The following FILIP1L variants were observed in gnomAD, a reference collection of about 807,000 sequenced individuals.
The protein encoded by FILIP1L is filamin A interacting protein 1 like.
Under a neutral mutation model 96.6 loss-of-function variants are expected in FILIP1L, and 55 were observed. The observed-to-expected ratio is 0.57, with a 90% CI of 0.46 to 0.71. FILIP1L has a LOEUF of 0.71. FILIP1L is among the 30% of genes least tolerant of loss of function. FILIP1L has a pLI of 0.00. For synonymous variants in FILIP1L, 467 were observed against 473.9 expected (o/e 0.99, Z 0.19); for missense variants, 1,304 against 1,321.2 (o/e 0.99, Z 0.20).
At chr3:99,861,080 C>G (rs139445382) in intron 4 of FILIP1L, among the ~76,000 whole-genome samples, 2 of 152,230 alleles carry the variant, frequency 1.3e-5, no homozygotes, top group African/African-American at 4.8e-5. Flanking sequence ...TCCCCCACCC[C>G]CTGCTCCCAC....
intron 4 of FILIP1L, chr3:99,874,589 A>G (rs1290945016): frequency 3.3e-5 from 5 of 152,194 alleles, no homozygotes; most frequent in Non-Finnish European, 7.4e-5. Flanking sequence ...TTTTCTTTTA[A>G]AATATGAAAA....
At chr3:100,052,806 A>G (rs1575993498) in intron 1 of FILIP1L, among the ~76,000 whole-genome samples, 2 of 152,318 alleles carry the variant, frequency 1.3e-5, no homozygotes, top group Middle Eastern at 3.4e-3. Context: ...TGGATATGAT[A>G]CAAGATAAAG....
chr3:100,054,429 G>A (rs1453441194), intron 1 of FILIP1L, among the ~76,000 whole-genome samples: 2 of 152,028 alleles, frequency 1.3e-5, no homozygotes, highest in African/African-American at 2.4e-5. Flanking sequence ...AGTGGAGCAC[G>A]TACTCTTGCC....
chr3:99,947,714 G>T (rs1708051953), intron 1 of FILIP1L, among the ~76,000 whole-genome samples: 1 of 152,100 alleles, frequency 6.6e-6, no homozygotes, highest in Non-Finnish European at 1.5e-5. Context: ...ATATAAAATT[G>T]TTTTGAATAC....
chr3:99,932,240 G>A (rs923356969), intron 1 of FILIP1L, among the ~76,000 whole-genome samples: 1 of 151,910 alleles, frequency 6.6e-6, no homozygotes, highest in Non-Finnish European at 1.5e-5. Flanking sequence ...TCATTCCCCT[G>A]TATGTTTCAT....
Position 99,830,441 on chromosome 3 carries a change from G to C in FILIP1L, c.3546C>G (p.Thr1182=), listed in dbSNP as rs1476522648. Residue 1182 remains threonine (T), a synonymous_variant, in exon 6 of 6, where the codon ACC becomes ACG. Coordinates refer to ENST00000477258, the MANE Select transcript of FILIP1L (RefSeq NM_001387850.1). ...ACCTTCTCCCTCCCACGTGGAGGAA[G>C]GTGTTGGAGGTGACAGTTCTCACGA... ...LHIVRTVTSN[T]FLHVGGRR 1 of 452,798 alleles carries C rather than the reference G, an allele frequency of 2.2e-6. No homozygotes were observed. The highest frequency in any genetic ancestry group is 2.0e-5 in the African/African-American group (1 of 50,106). 28.0% of individuals were successfully genotyped at this position (452,798 alleles called of 1,614,324 possible). A position where few individuals can be genotyped will look rare whatever the true frequency, so the allele number is the denominator to read the frequency against.
chr3:99,885,224 A>G (rs1178475174), intron 4 of FILIP1L, among the ~76,000 whole-genome samples: 1 of 152,236 alleles, frequency 6.6e-6, no homozygotes, highest in East Asian at 1.9e-4. Context: ...TTATTGCCCT[A>G]GTAATACCAA....
intron 1 of FILIP1L, among the ~76,000 whole-genome samples, chr3:99,988,511 C>CA (rs757175318): frequency 0.2 from 9,372 of 47,600 alleles, 929 homozygotes; most frequent in African/African-American, 0.34. Context: ...GACTCCATCT[C>CA]AAAAAAAAAA....
chr3:99,892,478 AC>A (rs2107615957), intron 4 of FILIP1L, among the ~76,000 whole-genome samples: 1 of 152,350 alleles, frequency 6.6e-6, no homozygotes, highest in African/African-American at 2.4e-5. Flanking sequence ...TCACCACACA[AC>A]AAAAAATCCA....
intron 1 of FILIP1L, among the ~76,000 whole-genome samples, chr3:100,108,493 C>T (rs535597658): frequency 1.2e-4 from 18 of 152,198 alleles, no homozygotes; most frequent in African/African-American, 4.3e-4. Context: ...GAATTAGAAG[C>T]CAGTGATGCC....
At chr3:99,948,424 T>A (rs967787910) in intron 1 of FILIP1L, among the ~76,000 whole-genome samples, 3 of 151,614 alleles carry the variant, frequency 2.0e-5, no homozygotes, top group Admixed American at 1.3e-4. Flanking sequence ...TGTAGTCCCA[T>A]CTACTCGTGA....
chr3:100,022,598 GA>G (rs1161781895), intron 1 of FILIP1L, among the ~76,000 whole-genome samples: 2 of 152,292 alleles, frequency 1.3e-5, no homozygotes, highest in Non-Finnish European at 2.9e-5. Context: ...TACATTCATG[GA>G]ATGGACATAG....
chr3:100,041,819 G>T (rs2065209550), intron 1 of FILIP1L, among the ~76,000 whole-genome samples: 1 of 152,060 alleles, frequency 6.6e-6, no homozygotes, highest in Non-Finnish European at 1.5e-5. Flanking sequence ...GTTGTGCCTT[G>T]ATTTATCTCA....
chr3:99,987,810 TG>T (rs138528019), intron 1 of FILIP1L, among the ~76,000 whole-genome samples: 1 of 152,306 alleles, frequency 6.6e-6, no homozygotes, highest in Non-Finnish European at 1.5e-5. Context: ...CAAAAAGAAA[TG>T]TTTTTATTAA....
At chr3:100,092,199 G>C in intron 1 of FILIP1L, among the ~76,000 whole-genome samples, 1 of 152,148 alleles carries the variant, frequency 6.6e-6, no homozygotes. Flanking sequence ...TGTTAAATAG[G>C]AGGTAGAAAA....
chr3:99,874,255 T>C (rs565051459), intron 4 of FILIP1L: 1 of 152,382 alleles, frequency 6.6e-6, no homozygotes, highest in African/African-American at 2.4e-5. Flanking sequence ...AGTTGAGTTG[T>C]AGTTTATGGT....
intron 1 of FILIP1L, among the ~76,000 whole-genome samples, chr3:100,068,986 T>C (rs2065715355): frequency 6.6e-6 from 1 of 152,176 alleles, no homozygotes; most frequent in Admixed American, 6.5e-5. Flanking sequence ...TGCAGGGAGC[T>C]GCCGTTCTGC....
intron 1 of FILIP1L, among the ~76,000 whole-genome samples, chr3:100,109,803 A>T (rs965669729): frequency 9.2e-5 from 14 of 152,054 alleles, no homozygotes. Context: ...TTAATGATAT[A>T]TAAGTTAGCT....
chr3:99,941,345 A>G (rs1247184145), intron 1 of FILIP1L, among the ~76,000 whole-genome samples: 4 of 152,382 alleles, frequency 2.6e-5, no homozygotes, highest in East Asian at 1.9e-4. Context: ...AATAATGTTC[A>G]ATGCACAAAG....
Sources: gnomAD v4.1 joint callset for allele counts (sites outside exome capture counted in the v4.1 genomes callset) on GRCh38, gnomAD v4.1.1 for gene constraint, MANE v1.5 for transcripts, NCBI Gene and HGNC (gene_info 2026-07-23, HGNC 2026-07-21) for gene names.